The following CFAP47 variants were observed in gnomAD, a reference collection of about 807,000 sequenced individuals.
The protein encoded by CFAP47 is cilia and flagella associated protein 47, also known as cilia- and flagella-associated protein 47.
A neutral mutation model predicts 148.1 loss-of-function variants in CFAP47; 29 were observed. The ratio of observed to expected loss-of-function variants is 0.20; its 90% confidence interval spans 0.15 to 0.27. CFAP47 has a LOEUF of 0.27. Among genes scored for constraint, CFAP47 ranks in the 10% least tolerant of loss-of-function variants. The pLI is 1.00. For synonymous variants in CFAP47, 664 were observed against 577.3 expected (o/e 1.15, Z -2.15); for missense variants, 1,872 against 1,697.5 (o/e 1.10, Z -1.81).
At chrX:36,203,547 T>G (rs782711533) in intron 44 of CFAP47, among the ~76,000 whole-genome samples, 5 of 112,000 alleles carry the variant, frequency 4.5e-5, no homozygotes, top group Non-Finnish European at 9.4e-5. Flanking sequence ...AATTATGTTT[T>G]TATTGGATTT....
chrX:36,066,959 T>G (rs1384039177), intron 27 of CFAP47, among the ~76,000 whole-genome samples: 1 of 111,837 alleles, frequency 8.9e-6, no homozygotes, highest in African/African-American at 3.3e-5. Flanking sequence ...GAAGAAGAAT[T>G]TATCCATTAT....
intron 22 of CFAP47, among the ~76,000 whole-genome samples, chrX:36,023,255 A>C (rs1937179659): frequency 8.9e-6 from 1 of 112,327 alleles, no homozygotes; most frequent in African/African-American, 3.2e-5. Context: ...ATCCAGAAGA[A>C]GTCTCTGAAT....
intron 49 of CFAP47, among the ~76,000 whole-genome samples, chrX:36,259,662 G>A (rs1240199397): frequency 2.7e-5 from 3 of 111,042 alleles, no homozygotes; most frequent in Admixed American, 1.9e-4. Context: ...CAAAGTATTT[G>A]CTCTGCATCA....
chrX:36,010,081 T>TA (rs970994158), intron 21 of CFAP47, among the ~76,000 whole-genome samples: 35 of 110,315 alleles, frequency 3.2e-4, no homozygotes, highest in African/African-American at 6.6e-4. Flanking sequence ...AAGGTTTTGG[T>TA]AAAAAAAAAT....
intron 27 of CFAP47, among the ~76,000 whole-genome samples, chrX:36,065,958 A>C (rs754198193): frequency 8.9e-6 from 1 of 112,548 alleles, no homozygotes; most frequent in East Asian, 2.8e-4. Flanking sequence ...AAGACAATAT[A>C]GCAGAAACAT....
intron 61 of CFAP47, among the ~76,000 whole-genome samples, chrX:36,362,344 G>A (rs185022875): frequency 4.6e-4 from 51 of 111,843 alleles, no homozygotes; most frequent in African/African-American, 1.2e-3. Flanking sequence ...AGTTTGCAGC[G>A]TCTGTTTTTC....
intron 21 of CFAP47, among the ~76,000 whole-genome samples, chrX:36,003,583 A>T (rs746294337): frequency 8.0e-4 from 88 of 109,817 alleles, no homozygotes; most frequent in Middle Eastern, 4.6e-3. Context: ...ATTTTTTTTT[A>T]AAAAATATTA....
intron 49 of CFAP47, among the ~76,000 whole-genome samples, chrX:36,269,980 A>G (rs929862162): frequency 1.8e-5 from 2 of 112,160 alleles, no homozygotes; most frequent in Non-Finnish European, 3.8e-5. Context: ...ATGGTGCCTA[A>G]ATCAATAGTT....
intron 46 of CFAP47, among the ~76,000 whole-genome samples, chrX:36,231,296 G>A (rs1366300307): frequency 9.5e-6 from 1 of 105,659 alleles, no homozygotes; most frequent in Non-Finnish European, 1.9e-5. Flanking sequence ...CTTGAGCAGT[G>A]GTTTGTAGTT....
chrX:36,190,030 G>A lies in CFAP47; in HGVS notation c.6176-21G>A, dbSNP rs1234188206. The A allele has an allele frequency of 8.8e-5, 26 of 295,715 alleles. No individual in the cohort carries two copies. The East Asian group carries it at 1.2e-3, about 14-fold the overall frequency. The allele number at this position is 295,715 out of a possible 1,213,427, so 24.4% of individuals were successfully genotyped here. ...CACTTACAAAATTATATGTCAACAA[G>A]CTCTGTTTATGTTTTGCTAGCAATT... On this transcript the variant is annotated intron_variant, in intron 41 of 63. Transcript: ENST00000378653.
chrX:35,977,521 T>C (rs940534230), intron 15 of CFAP47, among the ~76,000 whole-genome samples: 4 of 111,252 alleles, frequency 3.6e-5, no homozygotes, highest in African/African-American at 1.3e-4. Flanking sequence ...TTTCCTTCCA[T>C]CTTTCCTCCC....
At chrX:36,347,390 A>G (rs1356594004) in intron 57 of CFAP47, among the ~76,000 whole-genome samples, 2 of 112,031 alleles carry the variant, frequency 1.8e-5, no homozygotes, top group Non-Finnish European at 3.8e-5. Flanking sequence ...TCAAGGATCT[A>G]GAACTAGAAA....
At chrX:36,225,421 A>C (rs1555991354) in intron 45 of CFAP47, among the ~76,000 whole-genome samples, 1 of 111,644 alleles carries the variant, frequency 9.0e-6, no homozygotes, top group Admixed American at 9.6e-5. Flanking sequence ...GCTGGGTGCT[A>C]GTCAGGTGCC....
At chrX:36,019,386 C>T (rs1251903676) in intron 22 of CFAP47, among the ~76,000 whole-genome samples, 1 of 111,881 alleles carries the variant, frequency 8.9e-6, no homozygotes, top group Non-Finnish European at 1.9e-5. Context: ...CGACCTCCTC[C>T]CCCGAGTAGG....
At chrX:36,161,254 A>C (rs1939427002) in intron 39 of CFAP47, among the ~76,000 whole-genome samples, 1 of 111,676 alleles carries the variant, frequency 9.0e-6, no homozygotes, top group Admixed American at 9.6e-5. Flanking sequence ...AGCTAATTAA[A>C]GTAAATCAGT....
intron 57 of CFAP47, among the ~76,000 whole-genome samples, chrX:36,321,542 T>C (rs1180906206): frequency 8.9e-6 from 1 of 112,080 alleles, no homozygotes; most frequent in Non-Finnish European, 1.9e-5. Flanking sequence ...GGACTATTTG[T>C]AACACAAAGA....
At chrX:36,287,288 A>G (rs1221516910) in intron 51 of CFAP47, among the ~76,000 whole-genome samples, 1 of 111,212 alleles carries the variant, frequency 9.0e-6, no homozygotes, top group African/African-American at 3.3e-5. Context: ...GCCCCTCCCC[A>G]TGTATATTAT....
chrX:36,098,747 A>T lies in CFAP47; in HGVS notation c.4917-46A>T, dbSNP rs748031915. ...ATGGTCAATGCAAATCATATATAGA[A>T]CATGTATATTATATTATAATTTGAG... is the stretch of plus-strand genomic sequence containing the variant. On this transcript the variant is annotated intron_variant, in intron 30 of 63. Transcript: ENST00000378653. 9 of 642,272 alleles carry T rather than the reference A, an allele frequency of 1.4e-5. No individual in the cohort carries two copies. In the Admixed American group the frequency reaches 2.5e-4, roughly 18 times the overall value. 52.9% of individuals were successfully genotyped at this position (642,272 alleles called of 1,213,427 possible).
At position 35,971,601 on chromosome X, in the gene CFAP47, A is replaced by C; in HGVS notation, c.1986A>C (p.Ser662=). ...AATTTTATAGGGAGCGCATGTATTC[A>C]TATGATGATACAGACATAGGCTTAG... ...KKQAERERMY[S]YDDTDIGLEP... Residue 662 remains serine (S), a synonymous_variant, in exon 12 of 64, where the codon TCA becomes TCC. Coordinates refer to ENST00000378653, the MANE Select transcript of CFAP47 (RefSeq NM_001304548.2). 1 of 1,153,043 alleles carries C rather than the reference A, an allele frequency of 8.7e-7. No individual in the cohort carries two copies. Among genetic ancestry groups the C allele is most frequent in the South Asian group, 2.0e-5 (1 of 50,782 alleles).
Sources: gnomAD v4.1 joint callset for allele counts (sites outside exome capture counted in the v4.1 genomes callset) on GRCh38, gnomAD v4.1.1 for gene constraint, MANE v1.5 for transcripts, NCBI Gene and HGNC (gene_info 2026-07-23, HGNC 2026-07-21) for gene names.